The following PTPRN2 variants were observed in gnomAD, a reference collection of about 807,000 sequenced individuals.
The protein encoded by PTPRN2 is protein tyrosine phosphatase receptor type N2.
In PTPRN2, 74 loss-of-function variants were observed where a neutral mutation model predicts 118.8. The observed-to-expected ratio is 0.62, with a 90% CI of 0.52 to 0.76. The LOEUF is 0.76. Among genes scored for constraint, PTPRN2 ranks in the 30% least tolerant of loss-of-function variants. The pLI, the probability that PTPRN2 is intolerant of heterozygous loss-of-function variation, is 0.00. For missense variants in PTPRN2, 1,481 were observed against 1,394.4 expected (o/e 1.06, Z -0.99); for synonymous variants, 641 against 608.0 (o/e 1.05, Z -0.80).
chr7:158,143,890 T>C (rs900306089), intron 6 of PTPRN2, among the ~76,000 whole-genome samples: 3 of 152,116 alleles, frequency 2.0e-5, no homozygotes, highest in African/African-American at 7.2e-5. Context: ...CCTGCATCTG[T>C]AGACACCGCC....
Position 158,217,356 on chromosome 7 carries a change from G to A in PTPRN2, c.278-12083C>T, listed in dbSNP as rs114212832. On this transcript the variant is annotated intron_variant, in intron 3 of 22. Transcript: ENST00000389418. Reference sequence around the variant, plus strand: ...GCCCAGGAGTTCCAAGCTGAACCTCGGCCCTATGAAAAAATTCAGAAACAA... The same window carrying A: ...GCCCAGGAGTTCCAAGCTGAACCTCAGCCCTATGAAAAAATTCAGAAACAA... 8.9e-3 allele frequency among the ~76,000 whole-genome samples: 1,361 copies of A among 152,230 alleles called. 25 individuals carry two copies. The highest frequency in any genetic ancestry group is 0.031 in the African/African-American group (1,287 of 41,522).
chr7:158,130,482 CAT>C (rs1818096862), intron 9 of PTPRN2, among the ~76,000 whole-genome samples: 1 of 151,518 alleles, frequency 6.6e-6, no homozygotes, highest in African/African-American at 2.4e-5. Flanking sequence ...CACACATGCA[CAT>C]ATGCACAAAC....
intron 1 of PTPRN2, among the ~76,000 whole-genome samples, chr7:158,557,169 T>G (rs1411906369): frequency 1.5e-5 from 2 of 132,482 alleles, no homozygotes; most frequent in African/African-American, 2.9e-5. Flanking sequence ...CCCACGCAGG[T>G]CAGGCGGCTC....
intron 1 of PTPRN2, among the ~76,000 whole-genome samples, chr7:158,491,250 C>A (rs929181160): frequency 2.0e-5 from 3 of 152,220 alleles, no homozygotes; most frequent in Non-Finnish European, 4.4e-5. Flanking sequence ...GCTTCACGAG[C>A]CTTCCACAGT....
intron 3 of PTPRN2, among the ~76,000 whole-genome samples, chr7:158,253,161 C>A (rs929271422): frequency 2.0e-5 from 3 of 152,286 alleles, no homozygotes; most frequent in African/African-American, 7.2e-5. Flanking sequence ...TGAGCCTTTT[C>A]TTCTAATAAA....
intron 12 of PTPRN2, among the ~76,000 whole-genome samples, chr7:157,850,707 C>T (rs1438436488): frequency 6.6e-6 from 1 of 152,194 alleles, no homozygotes; most frequent in South Asian, 2.1e-4. Context: ...GCCTGGGATT[C>T]CAGGTTCCTG....
At chr7:158,490,321 G>A (rs1217947618) in intron 1 of PTPRN2, among the ~76,000 whole-genome samples, 1 of 152,232 alleles carries the variant, frequency 6.6e-6, no homozygotes, top group Non-Finnish European at 1.5e-5. Context: ...AAAGGAGGCA[G>A]CGGAGGCAGC....
chr7:157,885,476 G>A (rs559158156), intron 12 of PTPRN2, among the ~76,000 whole-genome samples: 3 of 152,314 alleles, frequency 2.0e-5, no homozygotes, highest in Non-Finnish European at 4.4e-5. Context: ...GGTCCCTGAA[G>A]GGGATGCAGA....
At chr7:158,332,711 T>C (rs1188887721) in intron 2 of PTPRN2, among the ~76,000 whole-genome samples, 65 of 137,334 alleles carry the variant, frequency 4.7e-4, no homozygotes, top group Middle Eastern at 5.0e-3. Context: ...CACCTGCAGA[T>C]GTCACTTACA....
At chr7:158,376,018 C>G (rs745320427) in intron 2 of PTPRN2, among the ~76,000 whole-genome samples, 3 of 152,190 alleles carry the variant, frequency 2.0e-5, no homozygotes, top group Non-Finnish European at 4.4e-5. Flanking sequence ...GGGCACTGAG[C>G]TGGTTAATAC....
At chr7:157,640,964 G>C (rs1204231743) in intron 14 of PTPRN2, among the ~76,000 whole-genome samples, 1 of 152,186 alleles carries the variant, frequency 6.6e-6, no homozygotes, top group African/African-American at 2.4e-5. Flanking sequence ...AATGGTGATG[G>C]GGGGAGAGGG....
intron 2 of PTPRN2, among the ~76,000 whole-genome samples, chr7:158,430,351 G>A (rs560093255): frequency 1.2e-4 from 18 of 152,342 alleles, no homozygotes; most frequent in African/African-American, 4.1e-4. Context: ...CTCACAGGCT[G>A]AGGGGCCTGT....
intron 12 of PTPRN2, among the ~76,000 whole-genome samples, chr7:157,802,321 C>T (rs1028878541): frequency 1.3e-5 from 2 of 152,338 alleles, no homozygotes; most frequent in African/African-American, 2.4e-5. Context: ...CACGCTTCAG[C>T]GACGTCGTGC....
chr7:158,257,975 A>C (rs1037603321), intron 3 of PTPRN2, among the ~76,000 whole-genome samples: 1 of 152,206 alleles, frequency 6.6e-6, no homozygotes, highest in African/African-American at 2.4e-5. Context: ...GTCTCATCAT[A>C]GCTACCTTCT....
intron 1 of PTPRN2, among the ~76,000 whole-genome samples, chr7:158,551,643 A>G (rs1586926276): frequency 1.1e-5 from 1 of 93,560 alleles, no homozygotes; most frequent in Non-Finnish European, 2.1e-5. Context: ...TTGGGGGTAG[A>G]GCTCTAACAC....
chr7:158,294,610 T>C (rs1800335806), intron 3 of PTPRN2, among the ~76,000 whole-genome samples: 1 of 152,068 alleles, frequency 6.6e-6, no homozygotes, highest in Non-Finnish European at 1.5e-5. Flanking sequence ...CACAGGAGGA[T>C]GCGAGAGGCA....
chr7:157,895,086 A>G (rs1220938494), intron 12 of PTPRN2, among the ~76,000 whole-genome samples: 1 of 152,118 alleles, frequency 6.6e-6, no homozygotes, highest in East Asian at 1.9e-4. Flanking sequence ...TGTGATGAGC[A>G]GGAGCTGTAG....
intron 2 of PTPRN2, among the ~76,000 whole-genome samples, chr7:158,379,188 T>C (rs1810771624): frequency 6.6e-6 from 1 of 152,082 alleles, no homozygotes; most frequent in South Asian, 2.1e-4. Context: ...CAAGGTCAGG[T>C]GTCCACACGT....
At position 157,656,372 on chromosome 7, in the gene PTPRN2, G is replaced by C. The variant is rs779382411; in HGVS notation, c.2181C>G (p.Thr727=). ...EPVQSNMDIS[T]GHMILSYMED... is the part of the protein sequence containing the mutation. ...CTGGGCTTACCAGGATCATGTGGCC[G>C]GTGGAGATGTCCATGTTGGACTGCA... The change falls in exon 14 of 23, where the codon ACC becomes ACG. Residue 727 remains threonine, a synonymous_variant. Coordinates refer to ENST00000389418, the MANE Select transcript of PTPRN2 (RefSeq NM_002847.5). 6.5e-7 allele frequency: 1 copy of C among 1,550,332 alleles called. No homozygotes were observed. Among genetic ancestry groups the C allele is most frequent in the African/African-American group, 1.4e-5 (1 of 73,044 alleles).
Sources: gnomAD v4.1 joint callset for allele counts (sites outside exome capture counted in the v4.1 genomes callset) on GRCh38, gnomAD v4.1.1 for gene constraint, MANE v1.5 for transcripts, NCBI Gene and HGNC (gene_info 2026-07-23, HGNC 2026-07-21) for gene names.